The following AK4 variants were observed in gnomAD, a reference collection of about 807,000 sequenced individuals.
AK4 encodes adenylate kinase 4, also known as adenylate kinase 4, mitochondrial.
A neutral mutation model predicts 24.6 loss-of-function variants in AK4; 13 were observed. The observed-to-expected ratio is 0.53, with a 90% CI of 0.34 to 0.84. The LOEUF is 0.84. Among genes scored for constraint, AK4 ranks in the 40% least tolerant of loss-of-function variants. The pLI, the probability that AK4 is intolerant of heterozygous loss-of-function variation, is 0.01. For synonymous variants in AK4, 88 were observed against 107.0 expected, an observed-to-expected ratio of 0.82 and a Z score of 1.10; for missense variants, 192 against 288.2, an observed-to-expected ratio of 0.67 and a Z score of 2.42.
chr1:65,160,948 G>C (rs1650139080), intron 1 of AK4, among the ~76,000 whole-genome samples: 1 of 152,090 alleles, frequency 6.6e-6, no homozygotes, highest in Admixed American at 6.6e-5. Context: ...TATCACATTG[G>C]TTATTAAGTT....
chr1:65,203,251 G>A (rs1183563859), intron 2 of AK4, among the ~76,000 whole-genome samples: 1 of 152,042 alleles, frequency 6.6e-6, no homozygotes, highest in Non-Finnish European at 1.5e-5. Flanking sequence ...CATGGCATAG[G>A]TTTGTGAGGA....
intron 2 of AK4, among the ~76,000 whole-genome samples, chr1:65,198,732 A>T (rs1260432714): frequency 6.7e-6 from 1 of 150,268 alleles, no homozygotes; most frequent in East Asian, 2.0e-4. Flanking sequence ...ATGCCCCAAG[A>T]CAATGTAAAT....
intron 2 of AK4, among the ~76,000 whole-genome samples, chr1:65,213,633 A>G (rs1274920709): frequency 4.6e-5 from 7 of 152,222 alleles, no homozygotes; most frequent in Admixed American, 4.6e-4. Context: ...CACACTCTCC[A>G]TGTGCCCAGC....
chr1:65,212,855 C>CATT (rs1462083584), intron 2 of AK4, among the ~76,000 whole-genome samples: 1 of 152,162 alleles, frequency 6.6e-6, no homozygotes, highest in African/African-American at 2.4e-5. Flanking sequence ...TAAACTGAGG[C>CATT]TAATAACTTC....
chr1:65,175,270 C>A (rs1650673238), intron 1 of AK4, among the ~76,000 whole-genome samples: 1 of 152,176 alleles, frequency 6.6e-6, no homozygotes, highest in African/African-American at 2.4e-5. Flanking sequence ...TCTCCCTGTT[C>A]CCGTTTCCCT....
At chr1:65,188,389 T>C (rs998462357) in intron 1 of AK4, among the ~76,000 whole-genome samples, 4 of 151,926 alleles carry the variant, frequency 2.6e-5, no homozygotes, top group Admixed American at 2.6e-4. Flanking sequence ...TGAGACTCCA[T>C]AGCAAAAAAA....
rs187463516 is a variant in AK4 at position 65,203,359 on chromosome 1, T to G, written c.265+12530T>G. On this transcript the variant is annotated intron_variant, in intron 2 of 4. Transcript: ENST00000327299. ...TTATTTATTATAATTGATTTTAAGCTCCAATAGAAATACCTTGATACTTAC... is the reference window on the plus strand; with the variant it reads ...TTATTTATTATAATTGATTTTAAGCGCCAATAGAAATACCTTGATACTTAC... Among the ~76,000 whole-genome samples, 22 of 152,210 alleles carry G rather than the reference T, an allele frequency of 1.4e-4. No individual in the cohort carries two copies. In the East Asian group the frequency reaches 2.7e-3, roughly 19 times the overall value.
At position 65,229,166 on chromosome 1, in the gene AK4, C is replaced by G. The variant is rs936871241; in HGVS notation, c.*2989C>G. ...GGTTTTCCTGACTCAGAAGACTGAGCTTTTTCCTGGATGTTATTAATAGCT... is the reference window on the plus strand; with the variant it reads ...GGTTTTCCTGACTCAGAAGACTGAGGTTTTTCCTGGATGTTATTAATAGCT... On this transcript the variant is annotated 3_prime_UTR_variant, in exon 5 of 5. Transcript: ENST00000327299. The G allele has an allele frequency of 7.2e-5, 11 of 152,116 alleles. No individual in the cohort carries two copies. The highest frequency in any genetic ancestry group is 2.7e-4 in the African/African-American group (11 of 41,392). 9.4% of individuals were successfully genotyped at this position (152,116 alleles called of 1,614,324 possible).
At position 65,201,598 on chromosome 1, in the gene AK4, A is replaced by G. The variant is rs189543409; in HGVS notation, c.265+10769A>G. On this transcript the variant is annotated intron_variant, in intron 2 of 4. Coordinates refer to ENST00000327299, the MANE Select transcript of AK4 (RefSeq NM_013410.4). ...GCATCCGTCATTCCCAAGAGGGAGT[A>G]GCATGCTTCCTGACCTCATAGTCCA... is the stretch of plus-strand genomic sequence containing the variant. 1.2e-4 allele frequency among the ~76,000 whole-genome samples: 18 copies of G among 152,362 alleles called. No individual in the cohort carries two copies. In the East Asian group the frequency reaches 3.3e-3, roughly 28 times the overall value.
chr1:65,214,486 C>A (rs1652064402), intron 2 of AK4, among the ~76,000 whole-genome samples: 1 of 152,038 alleles, frequency 6.6e-6, no homozygotes, highest in Admixed American at 6.5e-5. Flanking sequence ...TGAAACTTGC[C>A]AAAGTTCTCA....
At chr1:65,152,148 A>T (rs897495725) in intron 1 of AK4, among the ~76,000 whole-genome samples, 4 of 151,914 alleles carry the variant, frequency 2.6e-5, no homozygotes, top group Non-Finnish European at 5.9e-5. Flanking sequence ...TCTAAAGGAT[A>T]TGCAAATCCT....
intron 2 of AK4, among the ~76,000 whole-genome samples, chr1:65,205,468 A>C (rs1042325172): frequency 3.9e-5 from 6 of 152,116 alleles, no homozygotes; most frequent in African/African-American, 1.4e-4. Flanking sequence ...TCTTAGGCTC[A>C]AGCAATCTTC....
intron 1 of AK4, among the ~76,000 whole-genome samples, chr1:65,160,616 A>G (rs1237176693): frequency 6.6e-6 from 1 of 151,728 alleles, no homozygotes; most frequent in Non-Finnish European, 1.5e-5. Context: ...TTTTTTGGAG[A>G]TGAGGTCTTG....
Position 65,200,075 on chromosome 1 carries a change from T to A in AK4, c.265+9246T>A, listed in dbSNP as rs552770839. 4.0e-5 allele frequency among the ~76,000 whole-genome samples: 6 copies of A among 150,324 alleles called. No homozygotes were observed. The South Asian group carries it at 1.3e-3, about 32-fold the overall frequency. On this transcript the variant is annotated intron_variant, in intron 2 of 4. Coordinates refer to ENST00000327299, the MANE Select transcript of AK4 (RefSeq NM_013410.4). ...AGATGGGCAATAAGAAGAAAGTGTATCTACTTCACATAAGACTAGGTAACA... is the reference window on the plus strand; with the variant it reads ...AGATGGGCAATAAGAAGAAAGTGTAACTACTTCACATAAGACTAGGTAACA...
At chr1:65,177,353 C>T (rs1253736570) in intron 1 of AK4, among the ~76,000 whole-genome samples, 1 of 152,084 alleles carries the variant, frequency 6.6e-6, no homozygotes, top group Non-Finnish European at 1.5e-5. Flanking sequence ...AGTTATAAAC[C>T]TGTCTTTGTT....
At chr1:65,224,456 TTGCA>T (rs1243061502) in intron 3 of AK4, among the ~76,000 whole-genome samples, 1 of 152,010 alleles carries the variant, frequency 6.6e-6, no homozygotes, top group Non-Finnish European at 1.5e-5. Flanking sequence ...TTAGGAGAGG[TTGCA>T]TGCAATTTTA....
intron 1 of AK4, among the ~76,000 whole-genome samples, chr1:65,162,639 G>A (rs1199229674): frequency 6.6e-6 from 1 of 151,770 alleles, no homozygotes; most frequent in Non-Finnish European, 1.5e-5. Flanking sequence ...TCAGGATATT[G>A]AGACCATCCC....
At chr1:65,203,320 G>A (rs1651719989) in intron 2 of AK4, among the ~76,000 whole-genome samples, 1 of 152,054 alleles carries the variant, frequency 6.6e-6, no homozygotes, top group African/African-American at 2.4e-5. Context: ...TCAAATGGTA[G>A]ACATTTGATA....
At chr1:65,155,001 C>G (rs1649929936) in intron 1 of AK4, among the ~76,000 whole-genome samples, 1 of 151,926 alleles carries the variant, frequency 6.6e-6, no homozygotes, top group Non-Finnish European at 1.5e-5. Context: ...CAGGCGCCCA[C>G]CACCATGCCC....
Sources: gnomAD v4.1 joint callset for allele counts (sites outside exome capture counted in the v4.1 genomes callset) on GRCh38, gnomAD v4.1.1 for gene constraint, MANE v1.5 for transcripts, NCBI Gene and HGNC (gene_info 2026-07-23, HGNC 2026-07-21) for gene names.